SGCD: variants seen among roughly 807,000 people sequenced by gnomAD.
The protein encoded by SGCD is sarcoglycan delta.
In SGCD, 18 loss-of-function variants were observed where a neutral mutation model predicts 36.6. That is an observed-to-expected ratio of 0.49 (90% CI 0.34 to 0.73). The LOEUF (loss-of-function observed/expected upper bound fraction) is 0.73. SGCD is among the 30% of genes least tolerant of loss of function. The pLI is 0.01. For synonymous variants in SGCD, 133 were observed against 130.6 expected, an observed-to-expected ratio of 1.02 and a Z score of -0.12; for missense variants, 387 against 346.7, an observed-to-expected ratio of 1.12 and a Z score of -0.92.
At chr5:156,613,595 G>A (rs1237092533) in intron 6 of SGCD, among the ~76,000 whole-genome samples, 1 of 152,190 alleles carries the variant, frequency 6.6e-6, no homozygotes, top group East Asian at 1.9e-4. Context: ...GTCCTGAGAT[G>A]AAGAGCATCA....
chr5:155,891,114 A>G (rs1029034008), intron 1 of SGCD, among the ~76,000 whole-genome samples: 2 of 152,236 alleles, frequency 1.3e-5, no homozygotes, highest in African/African-American at 4.8e-5. Flanking sequence ...TATGTGGAGC[A>G]TCAGATGAAT....
intron 1 of SGCD, among the ~76,000 whole-genome samples, chr5:155,883,126 C>T (rs1026591186): frequency 5.3e-5 from 8 of 152,110 alleles, no homozygotes; most frequent in Non-Finnish European, 1.2e-4. Flanking sequence ...TCTCTCAGCT[C>T]GCAAAGAATT....
chr5:155,942,819 C>T (rs916698351), intron 1 of SGCD, among the ~76,000 whole-genome samples: 1 of 152,154 alleles, frequency 6.6e-6, no homozygotes, highest in African/African-American at 2.4e-5. Flanking sequence ...TAAACCAAGG[C>T]AACCCCAAGA....
At chr5:156,035,142 T>G (rs1190408385) in intron 1 of SGCD, among the ~76,000 whole-genome samples, 4 of 152,224 alleles carry the variant, frequency 2.6e-5, no homozygotes, top group African/African-American at 4.8e-5. Flanking sequence ...AGGTGTTTCT[T>G]AAAGTTTTCC....
intron 1 of SGCD, among the ~76,000 whole-genome samples, chr5:155,901,324 A>T (rs893061338): frequency 7.9e-5 from 12 of 151,826 alleles, no homozygotes; most frequent in Non-Finnish European, 1.6e-4. Context: ...GAGAAAAAAA[A>T]AAAAAAGTAA....
At chr5:155,876,127 C>T (rs1382811149) in intron 1 of SGCD, among the ~76,000 whole-genome samples, 1 of 150,384 alleles carries the variant, frequency 6.6e-6, no homozygotes, top group African/African-American at 2.4e-5. Context: ...TATACATGTG[C>T]CATGCTGGTG....
At chr5:156,170,222 C>T (rs567568943) in intron 3 of SGCD, among the ~76,000 whole-genome samples, 2 of 152,226 alleles carry the variant, frequency 1.3e-5, no homozygotes, top group African/African-American at 2.4e-5. Flanking sequence ...TGTGAAATTG[C>T]TGAAGGAAAA....
chr5:156,026,293 G>A (rs914557657), intron 1 of SGCD, among the ~76,000 whole-genome samples: 5 of 152,146 alleles, frequency 3.3e-5, no homozygotes, highest in Admixed American at 1.3e-4. Context: ...TATCATCAAT[G>A]TTACAGTGTA....
chr5:155,738,530 A>G, the SGCD span, among the ~76,000 whole-genome samples: 3 of 152,230 alleles, frequency 2.0e-5, no homozygotes, highest in African/African-American at 7.2e-5. Context: ...TCTGAGCTGC[A>G]TAATGTACCA....
chr5:155,884,522 A>G (rs1755963165), intron 1 of SGCD, among the ~76,000 whole-genome samples: 1 of 152,214 alleles, frequency 6.6e-6, no homozygotes, highest in South Asian at 2.1e-4. Context: ...TAATTGTACC[A>G]TATATGCCTT....
chr5:155,810,122 T>C, the SGCD span, among the ~76,000 whole-genome samples: 2 of 152,254 alleles, frequency 1.3e-5, no homozygotes, highest in South Asian at 2.1e-4. Context: ...GATATTTTTA[T>C]ATTCACTAAA....
intron 1 of SGCD, among the ~76,000 whole-genome samples, chr5:155,954,986 T>C (rs962679940): frequency 8.5e-5 from 13 of 152,154 alleles, no homozygotes; most frequent in African/African-American, 3.1e-4. Flanking sequence ...AGTTTGAGTC[T>C]GAAAACTGGC....
At chr5:155,793,448 ATAG>A in the SGCD span, among the ~76,000 whole-genome samples, 11 of 152,182 alleles carry the variant, frequency 7.2e-5, no homozygotes, top group Non-Finnish European at 1.5e-4. Flanking sequence ...TATGGACTAG[ATAG>A]TAGATTATAA....
At chr5:156,588,996 G>GTT (rs1199837237) in intron 4 of SGCD, among the ~76,000 whole-genome samples, 3 of 151,568 alleles carry the variant, frequency 2.0e-5, no homozygotes, top group Non-Finnish European at 4.4e-5. Flanking sequence ...TATTGTGTGT[G>GTT]TGTGTGTGTG....
intron 3 of SGCD, among the ~76,000 whole-genome samples, chr5:156,199,734 G>A (rs1383597561): frequency 6.6e-6 from 1 of 152,044 alleles, no homozygotes; most frequent in Non-Finnish European, 1.5e-5. Context: ...ACTTCACGGA[G>A]GCAGGCTTTT....
At chr5:156,423,440 ATTTATT>A (rs1773515743) in intron 3 of SGCD, among the ~76,000 whole-genome samples, 1 of 123,974 alleles carries the variant, frequency 8.1e-6, no homozygotes, top group Non-Finnish European at 1.6e-5. Flanking sequence ...AATATAATAT[ATTTATT>A]TTATTATAAT....
Position 156,054,349 on chromosome 5 carries a change from G to A in SGCD, c.-281-63529G>A, listed in dbSNP as rs933663893. 1.6e-4 allele frequency among the ~76,000 whole-genome samples: 22 copies of A among 135,924 alleles called. 4 individuals are homozygous for A. Among genetic ancestry groups the A allele is most frequent in the Non-Finnish European group, 2.9e-4 (18 of 61,854 alleles). 89.2% of individuals were successfully genotyped at this position (135,924 alleles called of 152,430 possible). On this transcript the variant is annotated intron_variant, in intron 1 of 9. Transcript: ENST00000517913. Reference sequence around the variant, plus strand: ...GGCCCAGGCTGGAGTGCAGTGGCGCGATCTCGGCTCACGGCAAGCTCCGCC... The same window carrying A: ...GGCCCAGGCTGGAGTGCAGTGGCGCAATCTCGGCTCACGGCAAGCTCCGCC...
intron 7 of SGCD, among the ~76,000 whole-genome samples, chr5:156,750,199 G>A (rs1757100296): frequency 6.6e-6 from 1 of 151,874 alleles, no homozygotes; most frequent in South Asian, 2.1e-4. Flanking sequence ...GAATAGAAGA[G>A]AACTATCTTA....
chr5:156,110,188 A>G (rs1761749283), intron 1 of SGCD, among the ~76,000 whole-genome samples: 2 of 152,144 alleles, frequency 1.3e-5, no homozygotes, highest in African/African-American at 4.8e-5. Flanking sequence ...TGCCTTGGAT[A>G]AGTTGATTGT....
Sources: allele counts gnomAD v4.1 joint callset (sites outside exome capture counted in the v4.1 genomes callset), GRCh38; gene constraint gnomAD v4.1.1; transcripts MANE v1.5; gene names NCBI Gene and HGNC (gene_info 2026-07-23, HGNC 2026-07-21).